GOLGA6L7: variants seen among roughly 807,000 people sequenced by gnomAD.
GOLGA6L7 encodes the protein golgin A6 family like 7, also known as golgin subfamily A member 6-like protein 7.
Under a neutral mutation model 68.9 loss-of-function variants are expected in GOLGA6L7, and 29 were observed. The ratio of observed to expected loss-of-function variants is 0.42; its 90% CI spans 0.31 to 0.57. The LOEUF (loss-of-function observed/expected upper bound fraction) is 0.57. Among genes scored for constraint, GOLGA6L7 ranks in the 20% least tolerant of loss-of-function variants. The pLI is 0.13. For synonymous variants in GOLGA6L7, 133 were observed against 197.4 expected, an observed-to-expected ratio of 0.67 and a Z score of 2.73; for missense variants, 396 against 588.4, an observed-to-expected ratio of 0.67 and a Z score of 3.38.
At chr15:28,845,252 C>T (rs1265881707) in intron 6 of GOLGA6L7, 3 of 570,554 alleles carry the variant, frequency 5.3e-6, no homozygotes, top group Non-Finnish European at 9.6e-6. Flanking sequence ...CTCAACTCCG[C>T]CTAGGATTTG....
At chr15:28,844,875 A>G (rs1201260829) in intron 6 of GOLGA6L7, 1 of 175,112 alleles carries the variant, frequency 5.7e-6, no homozygotes, top group Non-Finnish European at 1.2e-5. Flanking sequence ...GCCTAAGATC[A>G]CTTAGAGCTG....
intron 8 of GOLGA6L7, 142 bp downstream of exon 8, chr15:28,843,592 C>T: frequency 1.8e-6 from 1 of 543,086 alleles, no homozygotes; most frequent in Non-Finnish European, 3.2e-6. Context: ...TTTTAGCACA[C>T]TCTAGAGGAT....
chr15:28,842,339 G>A lies in GOLGA6L7; in HGVS notation c.1765C>T (p.Pro589Ser). The change falls in exon 9 of 9, where the codon CCT becomes TCT. Residue 589 changes from proline to serine, a missense_variant. Pro to Ser is a moderately conservative substitution (Grantham distance 74). Coordinates refer to ENST00000567390, the MANE Select transcript of GOLGA6L7 (RefSeq NM_001365371.2). ...CGCTCCTGGGCGTTCTTCATTCCAG[G>A]GGGCAGCTGCATGATCTGTGCAGTG... ...NRTAQIMQLP[P>S]GMKNAQERPG... The A allele has an allele frequency of 3.2e-6, 4 of 1,231,242 alleles. No homozygotes were observed. The highest frequency in any genetic ancestry group is 4.1e-6 in the Non-Finnish European group (4 of 985,764). 76.3% of individuals were successfully genotyped at this position (1,231,242 alleles called of 1,614,324 possible). A position where few individuals can be genotyped will look rare whatever the true frequency, so the allele number is the denominator to read the frequency against.
In GOLGA6L7 at chr15:28,842,584, C is replaced by A; in HGVS notation, c.1520G>T (p.Trp507Leu). The A allele has an allele frequency of 1.6e-6, 2 of 1,284,154 alleles. No homozygotes were observed. The highest frequency in any genetic ancestry group is 3.0e-5 in the South Asian group (1 of 33,662). The allele number at this position is 1,284,154 out of a possible 1,614,324, so 79.5% of individuals were successfully genotyped here. A position where few individuals can be genotyped will look rare whatever the true frequency, so the allele number is the denominator to read the frequency against. Reference sequence around the variant, plus strand: ...CTCCTGCATCTTCTCATACTCATCCCACAGCCTCTCCTCCTTGAATTGCAG... The same window carrying A: ...CTCCTGCATCTTCTCATACTCATCCAACAGCCTCTCCTCCTTGAATTGCAG... ...ERLQFKEERL[W>L]DEYEKMQEEE... The change falls in exon 9 of 9, where the codon TGG becomes TTG. Residue 507 changes from tryptophan (W) to leucine (L), a missense_variant. This residue lies in a region of GOLGA6L7 where 125 missense variants were observed against 163.3 expected (regional missense o/e 0.77). Transcript: ENST00000567390.
rs866871533 is a variant in GOLGA6L7, at chr15:28,845,129, C to T, written c.462+400G>A. 7.0e-3 allele frequency: 654 copies of T among 93,764 alleles called. 16 individuals carry two copies. The highest frequency in any genetic ancestry group is 0.07 in the African/African-American group (569 of 8,178). 5.8% of individuals were successfully genotyped at this position (93,764 alleles called of 1,614,324 possible). On this transcript the variant is annotated intron_variant, in intron 6 of 8. Coordinates refer to ENST00000567390, the MANE Select transcript of GOLGA6L7 (RefSeq NM_001365371.2). Reference sequence around the variant, plus strand: ...TATATTACCATAATACGTACGTACACACACACACACACACACACACACACA... The same window carrying T: ...TATATTACCATAATACGTACGTACATACACACACACACACACACACACACA...
At position 28,843,218 on chromosome 15, in the gene GOLGA6L7, C is replaced by T. The variant is rs1226064653; in HGVS notation, c.886G>A (p.Glu296Lys). The change falls in exon 9 of 9, where the codon GAG becomes AAG. Residue 296 changes from glutamate (E) to lysine (K), a missense_variant. Physicochemically the swap from Glu to Lys is moderately conservative, Grantham distance 56 (BLOSUM62 1). Transcript: ENST00000567390. The part of the protein sequence containing the change: ...RKQEEQMRKQ[E>K]EQMRKQEEQM... ...TCCTCCTGCTTCCGCATCTGCTCCTCCTGCTTCCGCATCTGCTCCTCCTGC... is the reference window on the plus strand; with the variant it reads ...TCCTCCTGCTTCCGCATCTGCTCCTTCTGCTTCCGCATCTGCTCCTCCTGC... The T allele has an allele frequency of 4.4e-4, 465 of 1,058,972 alleles. 3 individuals carry two copies. The East Asian group carries it at 0.014, about 32-fold the overall frequency. The allele number at this position is 1,058,972 out of a possible 1,614,324, so 65.6% of individuals were successfully genotyped here. A position where few individuals can be genotyped will look rare whatever the true frequency, so the allele number is the denominator to read the frequency against.
chr15:28,844,545 C>CG (rs1555515114), intron 6 of GOLGA6L7, among the ~76,000 whole-genome samples: 34 of 151,402 alleles, frequency 2.2e-4, no homozygotes, highest in African/African-American at 8.1e-4. Flanking sequence ...ATTCTTCTGC[C>CG]TCAGCCTCCT....
rs1322463608 is a variant in GOLGA6L7 at position 28,845,797 on chromosome 15, G to T, written c.276C>A (p.Thr92=). Residue 92 remains threonine, a synonymous_variant, in exon 5 of 9, where the codon ACC becomes ACA. Coordinates refer to ENST00000567390, the MANE Select transcript of GOLGA6L7 (RefSeq NM_001365371.2). ...TTTTCTGACACATAAGGATTCGTATGGTATGATCCTGGGCCTTTGGGAGAC... is the reference window on the plus strand; with the variant it reads ...TTTTCTGACACATAAGGATTCGTATTGTATGATCCTGGGCCTTTGGGAGAC... ...LRRQLEAQDH[T]IRILMCQKTE... The T allele has an allele frequency of 2.4e-6, 2 of 841,706 alleles. No individual in the cohort carries two copies. Among genetic ancestry groups the T allele is most frequent in the Non-Finnish European group, 2.0e-6 (1 of 494,828 alleles). The allele number at this position is 841,706 out of a possible 1,614,324, so 52.1% of individuals were successfully genotyped here. A position where few individuals can be genotyped will look rare whatever the true frequency, so the allele number is the denominator to read the frequency against.
At chr15:28,844,035 T>A (rs1411421180) in intron 7 of GOLGA6L7, among the ~76,000 whole-genome samples, 160 bp from the exon 8 acceptor site, 1 of 151,790 alleles carries the variant, frequency 6.6e-6, no homozygotes, top group Admixed American at 6.6e-5. Flanking sequence ...AAGACATGAG[T>A]TGCCTGAGGC....
Position 28,844,203 on chromosome 15 carries a change from A to T in GOLGA6L7, c.521+2T>A. ...CTCCCATCCCCCCCTCCCCTATCCT[A>T]CATGTTCCTGAACAGCTCCAGACTC... On this transcript the variant is annotated splice_donor_variant, in intron 7 of 8. Transcript: ENST00000567390. LOFTEE classifies it high-confidence loss of function. 2.7e-6 allele frequency: 1 copy of T among 375,558 alleles called. No homozygotes were observed. Among genetic ancestry groups the T allele is most frequent in the Non-Finnish European group, 4.5e-6 (1 of 221,682 alleles). 23.3% of individuals were successfully genotyped at this position (375,558 alleles called of 1,614,324 possible).
Position 28,842,853 on chromosome 15 carries a change from CT to C in GOLGA6L7, c.1250del (p.Lys417SerfsTer55). The C allele has an allele frequency of 8.0e-7, 1 of 1,251,458 alleles. No individual in the cohort carries two copies. The highest frequency in any genetic ancestry group is 9.9e-7 in the Non-Finnish European group (1 of 1,007,004). The allele number at this position is 1,251,458 out of a possible 1,614,324, so 77.5% of individuals were successfully genotyped here. On this transcript the variant is annotated frameshift_variant, in exon 9 of 9. Coordinates refer to ENST00000567390, the MANE Select transcript of GOLGA6L7 (RefSeq NM_001365371.2). LOFTEE classifies it high-confidence loss of function. ...CCTGCTCCCCCATCTGCTCCTCCTG[CT>C]TCCTCATCTGCTCCCCCATCTGCTC... is the stretch of plus-strand genomic sequence containing the variant. ...QEEQMGEQMR[K>X]QEEQMGEQEE...
At position 28,842,066 on chromosome 15, in the gene GOLGA6L7, C is replaced by T. The variant is rs934990199; in HGVS notation, c.*169G>A. On this transcript the variant is annotated 3_prime_UTR_variant, in exon 9 of 9. Coordinates refer to ENST00000567390, the MANE Select transcript of GOLGA6L7 (RefSeq NM_001365371.2). ...CCACGTAGCTGGGATTGGTGATCCA[C>T]CCGCCTAGGCCTCCCAAAGTGGTGT... The T allele has an allele frequency of 2.8e-5, 13 of 461,148 alleles. No homozygotes were observed. Among genetic ancestry groups the T allele is most frequent in the African/African-American group, 1.2e-4 (6 of 49,364 alleles). 28.6% of individuals were successfully genotyped at this position (461,148 alleles called of 1,614,324 possible). A position where few individuals can be genotyped will look rare whatever the true frequency, so the allele number is the denominator to read the frequency against.
chr15:28,848,091 T>C (rs1233409181), intron 1 of GOLGA6L7, among the ~76,000 whole-genome samples: 1 of 151,924 alleles, frequency 6.6e-6, no homozygotes, highest in Non-Finnish European at 1.5e-5. Context: ...GGGGCAGCGG[T>C]AGGTGAGGGC....
Position 28,843,038 on chromosome 15 carries a change from G to C in GOLGA6L7, c.1066C>G (p.Arg356Gly), listed in dbSNP as rs1356905482. The C allele has an allele frequency of 8.9e-6, 11 of 1,233,834 alleles. No individual in the cohort carries two copies. Among genetic ancestry groups the C allele is most frequent in the African/African-American group, 1.7e-5 (1 of 59,378 alleles). 76.4% of individuals were successfully genotyped at this position (1,233,834 alleles called of 1,614,324 possible). The change falls in exon 9 of 9, where the codon CGG becomes GGG. Residue 356 changes from arginine to glycine, a missense_variant. Around this residue, in one of 5 missense-constraint regions of GOLGA6L7, gnomAD observed 114 missense variants for 186.0 expected, o/e 0.61. Coordinates refer to ENST00000567390, the MANE Select transcript of GOLGA6L7 (RefSeq NM_001365371.2). ...TTCCACATCTGCTCCTCCTGCTTCC[G>C]CATCTGCTCCTTCTGCTTCAGCATC... ...KQMLKQKEQMRKQEEQMWKQE... is the reference protein window; with the variant it reads ...KQMLKQKEQMGKQEEQMWKQE...
chr15:28,842,173 A>C lies in GOLGA6L7; in HGVS notation c.*62T>G, dbSNP rs2030209274. 8.3e-7 allele frequency: 1 copy of C among 1,205,220 alleles called. No homozygotes were observed. The highest frequency in any genetic ancestry group is 1.6e-5 in the African/African-American group (1 of 63,142). The allele number at this position is 1,205,220 out of a possible 1,614,324, so 74.7% of individuals were successfully genotyped here. On this transcript the variant is annotated 3_prime_UTR_variant, in exon 9 of 9. Transcript: ENST00000567390. Reference sequence around the variant, plus strand: ...TTTTCTTTTTTTCAAGTTTGTTCTCAGACTGTATTCACAAGGTCACATGGC... The same window carrying C: ...TTTTCTTTTTTTCAAGTTTGTTCTCCGACTGTATTCACAAGGTCACATGGC...
At position 28,846,193 on chromosome 15, in the gene GOLGA6L7, C is replaced by T. The variant is rs777012328; in HGVS notation, c.210+27G>A. The T allele has an allele frequency of 2.8e-4, 207 of 740,494 alleles. 1 individual carries two copies. Among genetic ancestry groups the T allele is most frequent in the East Asian group, 5.0e-5 (2 of 39,834 alleles). The allele number at this position is 740,494 out of a possible 1,614,324, so 45.9% of individuals were successfully genotyped here. On this transcript the variant is annotated intron_variant, in intron 3 of 8. Transcript: ENST00000567390. ...TGCCCCCCAAACCCAGCGGTCATGT[C>T]GTGAGCAAAGAAAGAAACCATGTTA...
intron 6 of GOLGA6L7, among the ~76,000 whole-genome samples, chr15:28,844,489 GGC>G (rs2030339192): frequency 7.1e-6 from 1 of 140,552 alleles, no homozygotes; most frequent in Non-Finnish European, 1.5e-5. Flanking sequence ...GGAGTGCAAT[GGC>G]GCGATCTCAC....
chr15:28,845,693 G>C, intron 5 of GOLGA6L7, 25 bp downstream of exon 5: 1 of 767,584 alleles, frequency 1.3e-6, no homozygotes, highest in South Asian at 1.4e-5. Context: ...CAGGTTGAAG[G>C]ATGACGGGGT....
In GOLGA6L7 at chr15:28,842,731, C is replaced by T. The variant is rs376388186; in HGVS notation, c.1373G>A (p.Arg458Gln). 0.033 allele frequency: 33,361 copies of T among 1,015,386 alleles called. 297 individuals carry two copies. The highest frequency in any genetic ancestry group is 0.1 in the East Asian group (2,969 of 29,280). 62.9% of individuals were successfully genotyped at this position (1,015,386 alleles called of 1,614,324 possible). ...EQMGEQEEQM[R>Q]KQEEQMGEQE... ...CTCCCCCATCTGCTCCTCCTGCTTC[C>T]GCATCTGCTCCTCCTGCTCCCCCAT... The change falls in exon 9 of 9, where the codon CGG becomes CAG. Residue 458 changes from arginine (R) to glutamine (Q), a missense_variant. Around this residue, in one of 5 missense-constraint regions of GOLGA6L7, gnomAD observed 14 missense variants for 63.0 expected, o/e 0.22. Coordinates refer to ENST00000567390, the MANE Select transcript of GOLGA6L7 (RefSeq NM_001365371.2).
Sources: gnomAD v4.1 joint callset for allele counts (sites outside exome capture counted in the v4.1 genomes callset) on GRCh38, gnomAD v4.1.1 for gene constraint, gnomAD v4.1.1 regional missense constraint, MANE v1.5 for transcripts, NCBI Gene and HGNC (gene_info 2026-07-23, HGNC 2026-07-21) for gene names.